The following TP63 variants were observed in gnomAD, a reference collection of about 807,000 sequenced individuals.
The protein encoded by TP63 is tumor protein p63.
Under a neutral mutation model 82.8 loss-of-function variants are expected in TP63, and 17 were observed. That is an observed-to-expected ratio of 0.21 (90% confidence interval 0.14 to 0.31). The LOEUF is 0.31. Ranked by LOEUF, TP63 falls within the 10% of genes least tolerant of loss-of-function variation. TP63 has a pLI of 1.00. For synonymous variants in TP63, 330 were observed against 321.7 expected (o/e 1.03, Z -0.28); for missense variants, 648 against 895.3 (o/e 0.72, Z 3.52).
intron 4 of TP63, among the ~76,000 whole-genome samples, chr3:189,831,253 A>C (rs1333831918): frequency 1.3e-5 from 2 of 152,136 alleles, no homozygotes; most frequent in Non-Finnish European, 2.9e-5. Flanking sequence ...TGGGTCCTGC[A>C]TTCTTTCTTA....
chr3:189,892,120 A>C (rs1721084920), intron 13 of TP63, among the ~76,000 whole-genome samples: 1 of 152,186 alleles, frequency 6.6e-6, no homozygotes, highest in African/African-American at 2.4e-5. Flanking sequence ...CTTTACAGTC[A>C]CTTCCGTCCA....
intron 3 of TP63, among the ~76,000 whole-genome samples, chr3:189,754,114 C>A (rs774746281): frequency 6.6e-6 from 1 of 152,070 alleles, no homozygotes; most frequent in Non-Finnish European, 1.5e-5. Context: ...CCAAAGCTAC[C>A]ATTTTGCCTG....
rs1277692788 is a variant in TP63, at chr3:189,872,797, C to T, written c.1213-62C>T. On this transcript the variant is annotated intron_variant, in intron 9 of 13. Transcript: ENST00000264731. The stretch of plus-strand genomic sequence containing the variant: ...GAATCCTCAAATAATGAGGATTGAC[C>T]ACACTTCTAACAGTTCTACAGCTTT... 13 of 1,609,704 alleles carry T rather than the reference C, an allele frequency of 8.1e-6. No individual in the cohort carries two copies. The African/African-American group carries it at 1.7e-4, about 22-fold the overall frequency.
intron 3 of TP63, among the ~76,000 whole-genome samples, chr3:189,744,408 C>T (rs572069671): frequency 4.6e-5 from 7 of 152,244 alleles, no homozygotes; most frequent in South Asian, 4.1e-4. Flanking sequence ...AACCAGTGCC[C>T]GCACACACCA....
chr3:189,640,072 A>G (rs73194170), intron 1 of TP63, among the ~76,000 whole-genome samples: 1 of 152,000 alleles, frequency 6.6e-6, no homozygotes, highest in African/African-American at 2.4e-5. Context: ...CTGTCTTTGC[A>G]CTTGAATTTA....
chr3:189,858,584 G>A (rs950888571), intron 4 of TP63, among the ~76,000 whole-genome samples: 1 of 152,122 alleles, frequency 6.6e-6, no homozygotes, highest in African/African-American at 2.4e-5. Flanking sequence ...AGACAAGCTT[G>A]GGCAAAATAG....
intron 4 of TP63, among the ~76,000 whole-genome samples, chr3:189,829,530 A>G (rs540442300): frequency 4.2e-4 from 64 of 152,334 alleles, no homozygotes; most frequent in African/African-American, 1.5e-3. Flanking sequence ...AACTGGAAGT[A>G]TTTGGAATGG....
At chr3:189,699,846 A>G (rs896471986) in intron 1 of TP63, among the ~76,000 whole-genome samples, 1 of 152,236 alleles carries the variant, frequency 6.6e-6, no homozygotes, top group Non-Finnish European at 1.5e-5. Flanking sequence ...AAATTTCAAC[A>G]TTAAATAGTT....
At chr3:189,865,259 C>G (rs1232588219) in intron 5 of TP63, among the ~76,000 whole-genome samples, 4 of 152,098 alleles carry the variant, frequency 2.6e-5, no homozygotes, top group Non-Finnish European at 5.9e-5. Context: ...AATAGAAGGC[C>G]TAGAGCATAC....
chr3:189,835,785 G>A (rs1713048372), intron 4 of TP63, among the ~76,000 whole-genome samples: 1 of 151,924 alleles, frequency 6.6e-6, no homozygotes, highest in African/African-American at 2.4e-5. Context: ...ATGGTGGCAG[G>A]TGCCTGTAAT....
chr3:189,798,919 G>T (rs1725997159), intron 3 of TP63, among the ~76,000 whole-genome samples: 2 of 151,988 alleles, frequency 1.3e-5, no homozygotes, highest in Admixed American at 6.6e-5. Flanking sequence ...TGTTATATAG[G>T]TCACCATATC....
intron 4 of TP63, among the ~76,000 whole-genome samples, chr3:189,847,693 T>C (rs7633378): frequency 0.074 from 11,233 of 152,252 alleles, 1,364 homozygotes; most frequent in African/African-American, 0.26. Flanking sequence ...TGCTGACTTA[T>C]TGAACCCAGG....
At chr3:189,757,734 C>G (rs538388785) in intron 3 of TP63, among the ~76,000 whole-genome samples, 94 of 152,280 alleles carry the variant, frequency 6.2e-4, no homozygotes, top group African/African-American at 2.3e-3. Flanking sequence ...GGCTCCACCC[C>G]CTACCCCCAA....
At chr3:189,689,139 C>A (rs1470928826) in intron 1 of TP63, among the ~76,000 whole-genome samples, 1 of 60,528 alleles carries the variant, frequency 1.7e-5, no homozygotes, top group Non-Finnish European at 3.7e-5. Flanking sequence ...TTTTTTGAGA[C>A]GGAGTCTCAC....
At chr3:189,813,701 C>A (rs1159021172) in intron 4 of TP63, among the ~76,000 whole-genome samples, 1 of 151,890 alleles carries the variant, frequency 6.6e-6, no homozygotes, top group Non-Finnish European at 1.5e-5. Context: ...TTTCTCCTGT[C>A]ATTGACCTCA....
At chr3:189,658,701 A>G (rs1345525849) in intron 1 of TP63, among the ~76,000 whole-genome samples, 1 of 152,098 alleles carries the variant, frequency 6.6e-6, no homozygotes, top group Non-Finnish European at 1.5e-5. Context: ...CAAAACATGG[A>G]AAATTTGAAA....
chr3:189,871,745 A>G (rs1216541623), intron 9 of TP63, among the ~76,000 whole-genome samples: 4 of 152,174 alleles, frequency 2.6e-5, no homozygotes, highest in Non-Finnish European at 5.9e-5. Context: ...GTTTTGAAAC[A>G]GGATCTCACT....
At chr3:189,642,978 A>AATTT (rs202072069) in intron 1 of TP63, among the ~76,000 whole-genome samples, 7,297 of 137,698 alleles carry the variant, frequency 0.053, 568 homozygotes, top group East Asian at 0.36. Context: ...CAGACAGCCA[A>AATTT]ATTTATTTAT....
chr3:189,680,778 C>G (rs1479112391), intron 1 of TP63, among the ~76,000 whole-genome samples: 1 of 152,116 alleles, frequency 6.6e-6, no homozygotes, highest in African/African-American at 2.4e-5. Flanking sequence ...GAGCCTGTGT[C>G]TATGGAGGCT....
Sources: allele counts gnomAD v4.1 joint callset (sites outside exome capture counted in the v4.1 genomes callset), GRCh38; gene constraint gnomAD v4.1.1; transcripts MANE v1.5; gene names NCBI Gene and HGNC (gene_info 2026-07-23, HGNC 2026-07-21).